The following HS3ST5 variants were observed in gnomAD, a reference collection of about 807,000 sequenced individuals.
HS3ST5 encodes the protein heparan sulfate-glucosamine 3-sulfotransferase 5.
HS3ST5 carries 10 observed loss-of-function variants against 25.4 expected under a neutral mutation model. The observed-to-expected ratio is 0.39, with a 90% CI of 0.24 to 0.67. HS3ST5 has a LOEUF of 0.67. Ranked by LOEUF, HS3ST5 falls within the 30% of genes least tolerant of loss-of-function variation. The pLI, the probability that HS3ST5 is intolerant of heterozygous loss-of-function variation, is 0.44. For synonymous variants in HS3ST5, 170 were observed against 162.4 expected, an observed-to-expected ratio of 1.05 and a Z score of -0.36; for missense variants, 324 against 420.7, an observed-to-expected ratio of 0.77 and a Z score of 2.01.
At chr6:114,335,307 CAA>C (rs60574979) in intron 1 of HS3ST5, among the ~76,000 whole-genome samples, 206 of 128,516 alleles carry the variant, frequency 1.6e-3, no homozygotes, top group African/African-American at 4.7e-3. Flanking sequence ...AAATGAGTGG[CAA>C]AAAAAAAAAA....
chr6:114,138,444 G>A (rs1481677411), intron 3 of HS3ST5, among the ~76,000 whole-genome samples: 2 of 152,192 alleles, frequency 1.3e-5, no homozygotes, highest in African/African-American at 2.4e-5. Context: ...TGATGGAATG[G>A]TGGAAATGTG....
chr6:114,253,883 A>G (rs1385537845), intron 1 of HS3ST5, among the ~76,000 whole-genome samples: 1 of 152,160 alleles, frequency 6.6e-6, no homozygotes, highest in Non-Finnish European at 1.5e-5. Context: ...GGAATATGGC[A>G]AGGTGAAAAA....
chr6:114,215,175 G>A (rs994283316), intron 2 of HS3ST5, among the ~76,000 whole-genome samples: 5 of 151,912 alleles, frequency 3.3e-5, no homozygotes, highest in Admixed American at 1.3e-4. Context: ...GCGTCGTGGC[G>A]GGCCCCTGTA....
intron 3 of HS3ST5, among the ~76,000 whole-genome samples, chr6:114,097,812 T>A (rs900054681): frequency 6.6e-6 from 1 of 152,008 alleles, no homozygotes; most frequent in Non-Finnish European, 1.5e-5. Context: ...CATCTCAGCC[T>A]ATTAATTCCA....
intron 1 of HS3ST5, among the ~76,000 whole-genome samples, chr6:114,285,064 TA>T (rs1774279376): frequency 6.6e-6 from 1 of 152,078 alleles, no homozygotes; most frequent in South Asian, 2.1e-4. Context: ...ATCTTACTGC[TA>T]GGCATTTATC....
chr6:114,086,820 A>G (rs777372806), intron 3 of HS3ST5, among the ~76,000 whole-genome samples: 5 of 152,202 alleles, frequency 3.3e-5, no homozygotes, highest in Admixed American at 6.5e-5. Context: ...CATTGTGCCT[A>G]TGACTATACT....
intron 3 of HS3ST5, among the ~76,000 whole-genome samples, chr6:114,091,491 C>T (rs1775115455): frequency 6.6e-6 from 1 of 151,034 alleles, no homozygotes; most frequent in African/African-American, 2.4e-5. Context: ...TCCTGGCTAA[C>T]ATGGTGAAAC....
chr6:114,191,157 A>G lies in HS3ST5; in HGVS notation c.-144-22695T>C, dbSNP rs77476285. On this transcript the variant is annotated intron_variant, in intron 2 of 4. Transcript: ENST00000312719. ...TAGACTCACAAAAGGATCCCACTGCATATATCCTGACAGTTTTTCCTCTTA... is the reference window on the plus strand; with the variant it reads ...TAGACTCACAAAAGGATCCCACTGCGTATATCCTGACAGTTTTTCCTCTTA... Among the ~76,000 whole-genome samples the G allele has an allele frequency of 2.4e-4, 36 of 152,324 alleles. No individual in the cohort carries two copies. In the East Asian group the frequency reaches 6.2e-3, roughly 26 times the overall value.
intron 2 of HS3ST5, among the ~76,000 whole-genome samples, chr6:114,199,412 A>G (rs955603794): frequency 1.3e-4 from 20 of 152,314 alleles, no homozygotes; most frequent in Admixed American, 1.2e-3. Context: ...GAAATGCTCC[A>G]TTAAAAAAAA....
At chr6:114,283,108 G>C (rs1043589082) in intron 1 of HS3ST5, among the ~76,000 whole-genome samples, 2 of 151,846 alleles carry the variant, frequency 1.3e-5, no homozygotes, top group Non-Finnish European at 2.9e-5. Context: ...AAAAATAAAA[G>C]AATACCATTT....
At chr6:114,210,226 A>T (rs1781452094) in intron 2 of HS3ST5, among the ~76,000 whole-genome samples, 1 of 152,206 alleles carries the variant, frequency 6.6e-6, no homozygotes, top group African/African-American at 2.4e-5. Flanking sequence ...AGCTCCATTC[A>T]TCTGTGTGCC....
At chr6:114,238,997 G>A (rs1293558199) in intron 1 of HS3ST5, 1 of 152,166 alleles carries the variant, frequency 6.6e-6, no homozygotes. Flanking sequence ...AGGCTTGAGA[G>A]CTCTCCAAAG....
chr6:114,245,000 G>A (rs1772314824), intron 1 of HS3ST5, among the ~76,000 whole-genome samples: 1 of 152,160 alleles, frequency 6.6e-6, no homozygotes, highest in Non-Finnish European at 1.5e-5. Context: ...CATTGTTACT[G>A]TATGGAAATT....
chr6:114,219,480 G>A (rs865961080), intron 2 of HS3ST5, among the ~76,000 whole-genome samples: 17 of 152,252 alleles, frequency 1.1e-4, no homozygotes, highest in Non-Finnish European at 1.8e-4. Context: ...ATATTCATGG[G>A]GGAAGGGGTA....
rs1417187471 is a variant in HS3ST5, at chr6:114,326,011, A to C, written c.-339+16184T>G. On this transcript the variant is annotated intron_variant, in intron 1 of 4. Transcript: ENST00000312719. ...TTGTTGATGAGAGGGGAGAAATTACAAGGAACTACCCCTTATTTAAATTGC... is the reference window on the plus strand; with the variant it reads ...TTGTTGATGAGAGGGGAGAAATTACCAGGAACTACCCCTTATTTAAATTGC... Among the ~76,000 whole-genome samples the C allele has an allele frequency of 4.0e-5, 6 of 151,558 alleles. 1 individual carries two copies. Among genetic ancestry groups the C allele is most frequent in the African/African-American group, 1.5e-4 (6 of 40,874 alleles).
chr6:114,102,670 T>G (rs889623519), intron 3 of HS3ST5, among the ~76,000 whole-genome samples: 6 of 152,212 alleles, frequency 3.9e-5, no homozygotes, highest in African/African-American at 1.4e-4. Flanking sequence ...TTGGATTGTT[T>G]GCCTATGCCA....
Position 114,073,423 on chromosome 6 carries a change from A to G in HS3ST5, c.-32-10546T>C, listed in dbSNP as rs150011485. On this transcript the variant is annotated intron_variant, in intron 3 of 4. Coordinates refer to ENST00000312719, the MANE Select transcript of HS3ST5 (RefSeq NM_153612.4). ...AAACGGCTAATATCCAGAATCTACA[A>G]AGAGCTTAAACACATTCACAAGAAA... Among the ~76,000 whole-genome samples the G allele has an allele frequency of 2.6e-3, 400 of 152,348 alleles. 3 individuals are homozygous for G. The highest frequency in any genetic ancestry group is 9.1e-3 in the African/African-American group (378 of 41,582).
At position 114,125,216 on chromosome 6, in the gene HS3ST5, A is replaced by G. The variant is rs1021033299; in HGVS notation, c.-33+43135T>C. The stretch of plus-strand genomic sequence containing the variant: ...TACAATTTGAGCTTTCTAGCATCAC[A>G]TATCAAGAGCAATCTAACATATGCC... On this transcript the variant is annotated intron_variant, in intron 3 of 4. Transcript: ENST00000312719. Among the ~76,000 whole-genome samples the G allele has an allele frequency of 1.7e-4, 26 of 152,366 alleles. 1 individual carries two copies. In the South Asian group the frequency reaches 3.1e-3, roughly 18 times the overall value.
intron 1 of HS3ST5, among the ~76,000 whole-genome samples, chr6:114,287,054 C>CT (rs1774370683): frequency 6.6e-6 from 1 of 151,824 alleles, no homozygotes; most frequent in Non-Finnish European, 1.5e-5. Flanking sequence ...GTGTACTCGC[C>CT]TTTTTTCTTC....
Sources: allele counts gnomAD v4.1 joint callset (sites outside exome capture counted in the v4.1 genomes callset), GRCh38; gene constraint gnomAD v4.1.1; transcripts MANE v1.5; gene names NCBI Gene and HGNC (gene_info 2026-07-23, HGNC 2026-07-21).